The following DMD variants were observed in gnomAD, a reference collection of about 807,000 sequenced individuals.
DMD encodes the protein mutant dystrophin.
DMD carries 63 observed loss-of-function variants against 330.1 expected under a neutral mutation model. The ratio of observed to expected loss-of-function variants is 0.19; its 90% confidence interval spans 0.16 to 0.24. The LOEUF is 0.24. DMD is among the 10% of genes least tolerant of loss of function. The pLI is 1.00. For synonymous variants in DMD, 1,223 were observed against 959.8 expected (o/e 1.27, Z -5.07); for missense variants, 3,344 against 2,684.1 (o/e 1.25, Z -5.43).
chrX:32,733,367 C>T (rs1380586613), intron 7 of DMD, among the ~76,000 whole-genome samples: 2 of 109,269 alleles, frequency 1.8e-5, no homozygotes, highest in Admixed American at 9.7e-5. Context: ...GACAGAAAGC[C>T]AACAAGGATA....
intron 44 of DMD, among the ~76,000 whole-genome samples, chrX:32,056,339 G>GT (rs1347052444): frequency 1.3e-4 from 11 of 85,835 alleles, no homozygotes; most frequent in African/African-American, 3.0e-4. Context: ...AAAGCTAAGA[G>GT]TTTTTTTAAA....
At chrX:32,113,625 G>A (rs759378168) in intron 44 of DMD, among the ~76,000 whole-genome samples, 2 of 111,489 alleles carry the variant, frequency 1.8e-5, no homozygotes, top group South Asian at 3.8e-4. Flanking sequence ...CTCTAACACA[G>A]AAGACTATTA....
chrX:32,098,042 A>G (rs1194904395), intron 44 of DMD, among the ~76,000 whole-genome samples: 1 of 111,564 alleles, frequency 9.0e-6, no homozygotes, highest in Non-Finnish European at 1.9e-5. Context: ...AAATAAATCC[A>G]TAATAAATTC....
At chrX:32,152,374 A>G (rs1311760450) in intron 44 of DMD, among the ~76,000 whole-genome samples, 6 of 111,810 alleles carry the variant, frequency 5.4e-5, no homozygotes, top group Non-Finnish European at 1.1e-4. Flanking sequence ...TTTCTTCTTT[A>G]TATGAATATA....
At chrX:32,076,630 C>A (rs1298686974) in intron 44 of DMD, among the ~76,000 whole-genome samples, 5 of 111,576 alleles carry the variant, frequency 4.5e-5, no homozygotes, top group African/African-American at 1.6e-4. Context: ...CCGCCCGCCT[C>A]AGGCTCCCAA....
At chrX:33,003,865 C>A (rs1227642324) in intron 2 of DMD, among the ~76,000 whole-genome samples, 1 of 112,153 alleles carries the variant, frequency 8.9e-6, no homozygotes, top group Non-Finnish European at 1.9e-5. Context: ...GCTGACCTTC[C>A]AAAATTGTAT....
rs763641617 is a variant in DMD at position 32,236,978 on chromosome X, T to C, written c.6291-19915A>G. On this transcript the variant is annotated intron_variant, in intron 43 of 78. Transcript: ENST00000357033. Reference sequence around the variant, plus strand: ...TTCTTAAATTATGACATAAATCCTTTATTGTTTTAGTATTGCAAATATACT... The same window carrying C: ...TTCTTAAATTATGACATAAATCCTTCATTGTTTTAGTATTGCAAATATACT... Among the ~76,000 whole-genome samples, 4 of 111,985 alleles carry C rather than the reference T, an allele frequency of 3.6e-5. No individual in the cohort carries two copies. The South Asian group carries it at 1.5e-3, about 41-fold the overall frequency.
intron 42 of DMD, among the ~76,000 whole-genome samples, chrX:32,289,761 A>G (rs766540949): frequency 9.0e-6 from 1 of 111,188 alleles, no homozygotes; most frequent in East Asian, 2.8e-4. Context: ...GTTACCCAAT[A>G]TGGTCTAAAA....
chrX:32,381,973 A>T (rs2097927580), intron 33 of DMD, among the ~76,000 whole-genome samples: 2 of 110,761 alleles, frequency 1.8e-5, no homozygotes, highest in Admixed American at 1.9e-4. Flanking sequence ...ACATCTGTCA[A>T]ATGGGATTAC....
In DMD at chrX:32,708,285, G is replaced by GTTTTT. The variant is rs11382915; in HGVS notation, c.650-8997_650-8993dup. Among the ~76,000 whole-genome samples the GTTTTT allele has an allele frequency of 7.7e-3, 774 of 100,282 alleles. 14 individuals carry two copies. The highest frequency in any genetic ancestry group is 0.028 in the Admixed American group (254 of 9,224). The allele number at this position is 100,282 out of a possible 115,157, so 87.1% of individuals were successfully genotyped here. ...CGCAGATATTGTACAAAATGATCAG[G>GTTTTT]TTTTTTTTTTTTTGAAAAAAATATG... On this transcript the variant is annotated intron_variant, in intron 7 of 78. Transcript: ENST00000357033.
intron 7 of DMD, among the ~76,000 whole-genome samples, chrX:32,722,672 T>A (rs1404003110): frequency 9.0e-6 from 1 of 111,380 alleles, no homozygotes; most frequent in Non-Finnish European, 1.9e-5. Flanking sequence ...TTCACTTTCT[T>A]CTTTAAATTG....
chrX:32,614,281 A>G, intron 12 of DMD, 22 bp downstream of exon 12: 1 of 1,206,470 alleles, frequency 8.3e-7, no homozygotes, highest in Non-Finnish European at 1.1e-6. Flanking sequence ...AGTAGAAAGC[A>G]CGCAACATAA....
At chrX:32,419,443 T>A (rs1016933349) in intron 29 of DMD, among the ~76,000 whole-genome samples, 1 of 112,284 alleles carries the variant, frequency 8.9e-6, no homozygotes, top group African/African-American at 3.2e-5. Context: ...ATATAACTCT[T>A]GTGAGGGGCT....
chrX:32,651,630 A>C (rs2060161719), intron 9 of DMD, among the ~76,000 whole-genome samples: 1 of 111,409 alleles, frequency 9.0e-6, no homozygotes, highest in Admixed American at 9.5e-5. Context: ...AAGATACCAG[A>C]ATACCAGAAA....
chrX:32,375,426 C>A (rs899930624), intron 34 of DMD, among the ~76,000 whole-genome samples: 9 of 111,916 alleles, frequency 8.0e-5, no homozygotes, highest in African/African-American at 2.9e-4. Flanking sequence ...AGTGGGTGTT[C>A]CTTAATTACT....
intron 21 of DMD, among the ~76,000 whole-genome samples, chrX:32,480,549 G>A (rs1221157690): frequency 9.0e-6 from 1 of 111,023 alleles, no homozygotes; most frequent in Admixed American, 9.5e-5. Context: ...GTGTCTACGT[G>A]TGTATATACA....
At chrX:31,127,177 C>CTGAT (rs1209049188) in intron 77 of DMD, among the ~76,000 whole-genome samples, 1 of 112,050 alleles carries the variant, frequency 8.9e-6, no homozygotes, top group Middle Eastern at 4.2e-3. Context: ...TTTGTTCTAT[C>CTGAT]TGATAGAAGC....
chrX:31,673,748 G>A (rs1433214184), intron 53 of DMD, among the ~76,000 whole-genome samples: 2 of 111,923 alleles, frequency 1.8e-5, no homozygotes, highest in African/African-American at 6.5e-5. Context: ...GAGAAAATAT[G>A]GTACAATCAA....
intron 52 of DMD, among the ~76,000 whole-genome samples, chrX:31,720,020 A>T (rs2085349270): frequency 8.9e-6 from 1 of 111,832 alleles, no homozygotes; most frequent in African/African-American, 3.3e-5. Context: ...GTGATAATAA[A>T]TGATTATTGC....
Sources: gnomAD v4.1 joint callset for allele counts (sites outside exome capture counted in the v4.1 genomes callset) on GRCh38, gnomAD v4.1.1 for gene constraint, MANE v1.5 for transcripts, NCBI Gene and HGNC (gene_info 2026-07-23, HGNC 2026-07-21) for gene names.